NID2: variants seen among roughly 807,000 people sequenced by gnomAD.
NID2 encodes nidogen 2, also known as nidogen-2.
NID2 carries 83 observed loss-of-function variants against 145.4 expected under a neutral mutation model. That is an observed-to-expected ratio of 0.57 (90% confidence interval 0.48 to 0.69). The LOEUF (loss-of-function observed/expected upper bound fraction) is 0.69. Ranked by LOEUF, NID2 falls within the 30% of genes least tolerant of loss-of-function variation. The pLI, the probability that NID2 is intolerant of heterozygous loss-of-function variation, is 0.00. For missense variants in NID2, 1,807 were observed against 1,765.7 expected (o/e 1.02, Z -0.42); for synonymous variants, 739 against 701.3 (o/e 1.05, Z -0.85).
chr14:52,066,296 G>A (rs1893211720), intron 2 of NID2, among the ~76,000 whole-genome samples: 1 of 150,708 alleles, frequency 6.6e-6, no homozygotes, highest in South Asian at 2.1e-4. Flanking sequence ...GGGGTCAGGG[G>A]AAGGTGGACA....
chr14:52,057,182 C>T (rs1032578), intron 3 of NID2, among the ~76,000 whole-genome samples: 24,000 of 152,046 alleles, frequency 0.16, 2,522 homozygotes, highest in East Asian at 0.5. Flanking sequence ...GCTGGGTCTA[C>T]GGGTGCACAC....
Position 52,042,338 on chromosome 14 carries a change from C to A in NID2, c.1592G>T (p.Arg531Leu), listed in dbSNP as rs1236283912. The change falls in exon 7 of 22, where the codon CGA (arginine) becomes CTA (leucine). Residue 531 changes from arginine (R) to leucine (L), a missense_variant. Coordinates refer to ENST00000216286, the MANE Select transcript of NID2 (RefSeq NM_007361.4). ...GTGGCCACTCACTTTCCCATTCACT[C>A]GGTGAGGTGCCCCTAAAAGACAGCA... ...KHCLPEGAPH[R>L]VNGKVSGHLH... 6 of 1,610,046 alleles carry A rather than the reference C, an allele frequency of 3.7e-6. No individual in the cohort carries two copies. In the Admixed American group the frequency reaches 1.0e-4, roughly 27 times the overall value.
At chr14:52,009,244 G>A (rs933887446) in intron 18 of NID2, 1 of 152,146 alleles carries the variant, frequency 6.6e-6, no homozygotes, top group African/African-American at 2.4e-5. Flanking sequence ...GGTACAGCAT[G>A]CATATCATTG....
At chr14:52,026,360 C>T (rs939648906) in intron 12 of NID2, among the ~76,000 whole-genome samples, 13 of 152,186 alleles carry the variant, frequency 8.5e-5, no homozygotes, top group African/African-American at 3.1e-4. Context: ...GGAAAGTCTG[C>T]CTTTTAAGGT....
intron 9 of NID2, among the ~76,000 whole-genome samples, chr14:52,033,761 T>C (rs1891960965): frequency 6.6e-6 from 1 of 152,232 alleles, no homozygotes; most frequent in South Asian, 2.1e-4. Context: ...TACTGCTGTG[T>C]GTGGATGAAG....
intron 3 of NID2, among the ~76,000 whole-genome samples, chr14:52,054,780 G>A (rs748390835): frequency 6.6e-6 from 1 of 152,166 alleles, no homozygotes; most frequent in Non-Finnish European, 1.5e-5. Flanking sequence ...CCAAATAAAA[G>A]CAGACTTACA....
intron 9 of NID2, among the ~76,000 whole-genome samples, chr14:52,036,211 G>A (rs1892064906): frequency 6.6e-6 from 1 of 152,068 alleles, no homozygotes; most frequent in African/African-American, 2.4e-5. Context: ...CCATGAATAT[G>A]CTTTCTATGT....
chr14:52,023,303 C>T (rs1370739069), intron 12 of NID2, among the ~76,000 whole-genome samples: 1 of 151,346 alleles, frequency 6.6e-6, no homozygotes, highest in African/African-American at 2.4e-5. Context: ...ATGATGAAAC[C>T]CCATCTCTAC....
intron 16 of NID2, 117 bp downstream of exon 16, chr14:52,014,170 T>C: frequency 7.4e-7 from 1 of 1,357,466 alleles, no homozygotes; most frequent in Non-Finnish European, 1.0e-6. Flanking sequence ...GGGCTGCAGC[T>C]CAGAAACCCT....
chr14:52,054,283 T>C lies in NID2; in HGVS notation c.806A>G (p.His269Arg), dbSNP rs1490123693. 2.5e-6 allele frequency: 4 copies of C among 1,614,114 alleles called. No individual in the cohort carries two copies. The highest frequency in any genetic ancestry group is 4.5e-5 in the East Asian group (2 of 44,878). ...NLGIPGVWAF[H>R]IGSTSPLDNV... ...GTCCAACGGGGAAGTGCTGCCGATA[T>C]GGAAAGCCCACACTCCAGGGATCCC... The change falls in exon 4 of 22, where the codon CAT (histidine) becomes CGT (arginine). Residue 269 changes from histidine (H) to arginine (R), a missense_variant. Physicochemically the swap from His to Arg is conservative, Grantham distance 29. Coordinates refer to ENST00000216286, the MANE Select transcript of NID2 (RefSeq NM_007361.4).
At chr14:52,046,281 C>G (rs1055062166) in intron 5 of NID2, among the ~76,000 whole-genome samples, 1 of 146,030 alleles carries the variant, frequency 6.8e-6, no homozygotes, top group Non-Finnish European at 1.5e-5. Flanking sequence ...CGAGATCGCA[C>G]CACTGCACTC....
intron 3 of NID2, among the ~76,000 whole-genome samples, chr14:52,058,186 C>G (rs1373042617): frequency 6.6e-6 from 1 of 152,122 alleles, no homozygotes; most frequent in East Asian, 1.9e-4. Context: ...CGTTTTGTAG[C>G]CTTAAAATGG....
chr14:52,043,622 C>G (rs559135934), intron 5 of NID2, among the ~76,000 whole-genome samples: 4 of 152,304 alleles, frequency 2.6e-5, no homozygotes, highest in East Asian at 3.9e-4. Flanking sequence ...CGCAGATCTT[C>G]CAAGAAATTA....
chr14:52,068,738 G>C (rs1256087258), intron 1 of NID2, 29 bp downstream of exon 1: 1 of 1,576,294 alleles, frequency 6.3e-7, no homozygotes, highest in South Asian at 1.1e-5. Flanking sequence ...GAAGCTGCGG[G>C]AAAAGTGCCA....
At chr14:52,006,482 G>C in intron 20 of NID2, 55 bp downstream of exon 20, 1 of 1,605,574 alleles carries the variant, frequency 6.2e-7, no homozygotes, top group Non-Finnish European at 8.5e-7. Context: ...AACAAGTGGT[G>C]TGTCCTCTGG....
At chr14:52,050,622 T>TA (rs1457903403) in intron 5 of NID2, among the ~76,000 whole-genome samples, 2 of 152,230 alleles carry the variant, frequency 1.3e-5, no homozygotes, top group African/African-American at 4.8e-5. Flanking sequence ...AGGACAACTT[T>TA]TTTTTTCAGA....
rs555588914 is a variant in NID2 at position 52,060,148 on chromosome 14, T to G, written c.743A>C (p.Glu248Ala). 6.2e-7 allele frequency: 1 copy of G among 1,612,212 alleles called. No individual in the cohort carries two copies. Among genetic ancestry groups the G allele is most frequent in the East Asian group, 2.2e-5 (1 of 44,810 alleles). The change falls in exon 3 of 22, where the codon GAA becomes GCA. Residue 248 changes from glutamate to alanine, a missense_variant. Transcript: ENST00000216286. The part of the protein sequence containing the change: ...EGPYFSLTST[E>A]QSVKNLYQLS... ...CTGATAGAGATTTTTCACAGACTGT[T>G]CAGTGCTAGTCAAGCTGAAATATGG...
chr14:52,037,454 T>C (rs1288667902), intron 9 of NID2, among the ~76,000 whole-genome samples: 2 of 152,188 alleles, frequency 1.3e-5, no homozygotes, highest in African/African-American at 2.4e-5. Context: ...CTCCCGGCAC[T>C]GTTGTTGAAA....
Position 52,068,183 on chromosome 14 carries a change from A to C in NID2, c.229-20T>G. On this transcript the variant is annotated intron_variant, in intron 1 of 21. Transcript: ENST00000216286. Reference sequence around the variant, plus strand: ...GCCCACCTGGGAGAGGAGAGGGACAAAAAGGTGACAGTCGCTCAAGCCCAA... The same window carrying C: ...GCCCACCTGGGAGAGGAGAGGGACACAAAGGTGACAGTCGCTCAAGCCCAA... 6.2e-7 allele frequency: 1 copy of C among 1,609,214 alleles called. No homozygotes were observed. The highest frequency in any genetic ancestry group is 8.5e-7 in the Non-Finnish European group (1 of 1,177,286).
Sources: gnomAD v4.1 joint callset for allele counts (sites outside exome capture counted in the v4.1 genomes callset) on GRCh38, gnomAD v4.1.1 for gene constraint, MANE v1.5 for transcripts, NCBI Gene and HGNC (gene_info 2026-07-23, HGNC 2026-07-21) for gene names.